The following CHD7 variants were observed in gnomAD, a reference collection of about 807,000 sequenced individuals.
CHD7 encodes chromodomain helicase DNA binding protein 7, also known as ATP-dependent chromatin remodeler CHD7.
A neutral mutation model predicts 307.3 loss-of-function variants in CHD7; 24 were observed. The observed-to-expected ratio is 0.08, with a 90% CI of 0.06 to 0.11. CHD7 has a LOEUF of 0.11. Among genes scored for constraint, CHD7 ranks in the 10% least tolerant of loss-of-function variants. The probability of loss-of-function intolerance (pLI) is 1.00; values close to 1 mark genes in which losing one functional copy is unlikely to be tolerated. For missense variants in CHD7, 3,106 were observed against 3,727.1 expected (o/e 0.83, Z 4.34); for synonymous variants, 1,363 against 1,349.9 (o/e 1.01, Z -0.21).
At chr8:60,851,506 A>G (rs1446874827) in intron 28 of CHD7, among the ~76,000 whole-genome samples, 187 bp downstream of exon 28, 2 of 152,182 alleles carry the variant, frequency 1.3e-5, no homozygotes, top group African/African-American at 4.8e-5. Context: ...AATTTCTTAG[A>G]TAGGATAACT....
At chr8:60,731,528 G>T (rs1808456774) in intron 1 of CHD7, among the ~76,000 whole-genome samples, 1 of 152,162 alleles carries the variant, frequency 6.6e-6, no homozygotes, top group African/African-American at 2.4e-5. Context: ...GTATCCCCAG[G>T]ATGAAGGGGG....
At chr8:60,705,434 G>A (rs952135627) in intron 1 of CHD7, among the ~76,000 whole-genome samples, 10 of 152,176 alleles carry the variant, frequency 6.6e-5, no homozygotes, top group East Asian at 1.9e-4. Flanking sequence ...CACAGTACTC[G>A]TTTGATACTT....
chr8:60,765,204 TACACACACAC>T lies in CHD7; in HGVS notation c.1666-15779_1666-15770del, dbSNP rs71245521. Reference sequence around the variant, plus strand: ...CTGCATTAGATGTTGGGGATATGCATACACACACACACACACACACACACACGCACACGCA... The same window carrying T: ...CTGCATTAGATGTTGGGGATATGCATACACACACACACACACGCACACGCA... On this transcript the variant is annotated intron_variant, in intron 2 of 37. Coordinates refer to ENST00000423902, the MANE Select transcript of CHD7 (RefSeq NM_017780.4). 6.6e-4 allele frequency among the ~76,000 whole-genome samples: 99 copies of T among 149,838 alleles called. No individual in the cohort carries two copies. The South Asian group carries it at 0.015, about 23-fold the overall frequency.
chr8:60,847,602 G>A (rs571728489), intron 23 of CHD7, among the ~76,000 whole-genome samples: 22 of 152,178 alleles, frequency 1.4e-4, no homozygotes, highest in Non-Finnish European at 2.8e-4. Context: ...TGCGATTCAC[G>A]TATCAGTCCT....
At chr8:60,785,727 A>G (rs921028132) in intron 3 of CHD7, among the ~76,000 whole-genome samples, 2 of 152,214 alleles carry the variant, frequency 1.3e-5, no homozygotes, top group African/African-American at 4.8e-5. Context: ...CCATTATGCT[A>G]GTTTTGGTAG....
Position 60,822,090 on chromosome 8 carries a change from C to T in CHD7, c.2902C>T (p.Leu968Phe). The T allele has an allele frequency of 6.2e-7, 1 of 1,613,742 alleles. No homozygotes were observed. The stretch of plus-strand genomic sequence containing the variant: ...CAGGGAGTATAAAAACAATAACAAA[C>T]TCAGGGAATACCAGTTGGAGGGAGT... ...SSREYKNNNK[L>F]REYQLEGVNW... is the part of the protein sequence containing the mutation. The change falls in exon 11 of 38, where the codon CTC becomes TTC. Residue 968 changes from leucine to phenylalanine, a missense_variant. Coordinates refer to ENST00000423902, the MANE Select transcript of CHD7 (RefSeq NM_017780.4).
At chr8:60,854,216 C>T (rs544979593) in intron 31 of CHD7, 147 bp from the exon 32 acceptor site, 21 of 622,356 alleles carry the variant, frequency 3.4e-5, no homozygotes, top group Admixed American at 2.4e-4. Flanking sequence ...AAGCTTTAGA[C>T]AACAGTGCCC....
chr8:60,829,850 A>G (rs540023959), intron 14 of CHD7, among the ~76,000 whole-genome samples: 2 of 152,316 alleles, frequency 1.3e-5, no homozygotes, highest in South Asian at 4.1e-4. Context: ...TTGCCAATCA[A>G]TAGAAAAGAG....
At position 60,861,114 on chromosome 8, in the gene CHD7, A is replaced by G. The variant is rs1424434796; in HGVS notation, c.7819A>G (p.Ser2607Gly). The change falls in exon 35 of 38, where the codon AGT becomes GGT. Residue 2607 changes from serine to glycine, a missense_variant. By Grantham distance (56) the Ser-to-Gly change is moderately conservative. Coordinates refer to ENST00000423902, the MANE Select transcript of CHD7 (RefSeq NM_017780.4). ...LHPTYTVDMP[S>G]YVPKNADVLF... ...CCCTACTTACACTGTTGATATGCCA[A>G]GTTATGTACCAGTGAGTATTGCAGA... 1.3e-6 allele frequency: 2 copies of G among 1,587,070 alleles called. No homozygotes were observed. Among genetic ancestry groups the G allele is most frequent in the Non-Finnish European group, 1.7e-6 (2 of 1,166,478 alleles).
At chr8:60,781,572 C>G (rs1229657737) in intron 3 of CHD7, 142 bp downstream of exon 3, 1 of 1,230,678 alleles carries the variant, frequency 8.1e-7, no homozygotes, top group Admixed American at 3.4e-5. Context: ...AATATCCAAA[C>G]TAAAAAGCTA....
intron 37 of CHD7, chr8:60,864,745 T>G: frequency 9.1e-6 from 4 of 440,802 alleles, no homozygotes; most frequent in East Asian, 4.3e-5. Context: ...TACTTTCTGA[T>G]GTATGATTTC....
chr8:60,741,778 G>A lies in CHD7; in HGVS notation c.346G>A (p.Gly116Ser). ...CCCTCCCGTTCCTCAGGTGCCCCATGGTGGCAGTGGTGGCGGTCAGATGGG... is the reference window on the plus strand; with the variant it reads ...CCCTCCCGTTCCTCAGGTGCCCCATAGTGGCAGTGGTGGCGGTCAGATGGG... Reference protein sequence around the residue: ...HTPPVPQVPHGGSGGGQMGVY... With the variant: ...HTPPVPQVPHSGSGGGQMGVY... Residue 116 changes from glycine to serine, a missense_variant, in exon 2 of 38, where the codon GGT becomes AGT. Gly to Ser is a moderately conservative substitution (Grantham distance 56, BLOSUM62 0). This residue lies in a region of CHD7 where 998 missense variants were observed against 1,004.5 expected (regional missense o/e 0.99). Transcript: ENST00000423902. The A allele has an allele frequency of 1.2e-6, 2 of 1,613,898 alleles. No individual in the cohort carries two copies. Among genetic ancestry groups the A allele is most frequent in the Non-Finnish European group, 1.7e-6 (2 of 1,179,862 alleles).
Position 60,741,532 on chromosome 8 carries a change from G to A in CHD7, c.100G>A (p.Val34Ile), listed in dbSNP as rs1023797858. ...LGECGYPENP[V>I]NPMGQQMPID... Reference sequence around the variant, plus strand: ...AGAATGTGGTTACCCGGAAAATCCAGTAAATCCTATGGGTCAGCAAATGCC... The same window carrying A: ...AGAATGTGGTTACCCGGAAAATCCAATAAATCCTATGGGTCAGCAAATGCC... The change falls in exon 2 of 38, where the codon GTA (valine) becomes ATA (isoleucine). Residue 34 changes from valine (V) to isoleucine (I), a missense_variant. Physicochemically the swap from Val to Ile is conservative, Grantham distance 29. Coordinates refer to ENST00000423902, the MANE Select transcript of CHD7 (RefSeq NM_017780.4). 1 of 1,613,420 alleles carries A rather than the reference G, an allele frequency of 6.2e-7. No homozygotes were observed.
At chr8:60,778,658 C>A (rs751364650) in intron 2 of CHD7, among the ~76,000 whole-genome samples, 2 of 152,170 alleles carry the variant, frequency 1.3e-5, no homozygotes, top group Non-Finnish European at 2.9e-5. Flanking sequence ...TTAGACTTTC[C>A]TCTTTTCCTC....
At chr8:60,765,639 G>A (rs1417421410) in intron 2 of CHD7, among the ~76,000 whole-genome samples, 2 of 152,204 alleles carry the variant, frequency 1.3e-5, no homozygotes, top group Middle Eastern at 3.2e-3. Context: ...GCCTTTGTGC[G>A]GCTGCTGCTG....
In CHD7 at chr8:60,742,065, C is replaced by A; in HGVS notation, c.633C>A (p.Ser211Arg). 10 of 1,613,880 alleles carry A rather than the reference C, an allele frequency of 6.2e-6. No homozygotes were observed. The highest frequency in any genetic ancestry group is 8.5e-6 in the Non-Finnish European group (10 of 1,179,880). Residue 211 changes from serine to arginine, a missense_variant, in exon 2 of 38, where the codon AGC becomes AGA. Ser to Arg is a moderately radical substitution (Grantham distance 110, BLOSUM62 -1). This residue lies in a region of CHD7 where 998 missense variants were observed against 1,004.5 expected (regional missense o/e 0.99). Transcript: ENST00000423902. The part of the protein sequence containing the change: ...QQHGQPQQRM[S>R]QFSQGQEGLN... ...ATGGTCAGCCACAGCAGAGGATGAG[C>A]CAGTTTTCCCAAGGCCAAGAGGGCC...
intron 7 of CHD7, among the ~76,000 whole-genome samples, chr8:60,810,411 A>G (rs1189910983): frequency 1.5e-5 from 2 of 130,248 alleles, no homozygotes; most frequent in Non-Finnish European, 3.5e-5. Context: ...GTGTGTGTGT[A>G]TCGAGTTACA....
In CHD7 at chr8:60,856,194, T is replaced by A; in HGVS notation, c.7156T>A (p.Leu2386Met). The change falls in exon 33 of 38, where the codon TTG becomes ATG. Residue 2386 changes from leucine to methionine, a missense_variant. Around this residue, in one of 10 missense-constraint regions of CHD7, gnomAD observed 1,030 missense variants for 1,165.4 expected, o/e 0.88. Transcript: ENST00000423902. Reference protein sequence around the residue: ...GSEDITTSPQLSKEDALNLSV... With the variant: ...GSEDITTSPQMSKEDALNLSV... ...TGAGGACATCACTACGTCTCCTCAGTTGTCAAAGGTGAATTAGAATGGCTT... is the reference window on the plus strand; with the variant it reads ...TGAGGACATCACTACGTCTCCTCAGATGTCAAAGGTGAATTAGAATGGCTT... The A allele has an allele frequency of 6.3e-7, 1 of 1,582,558 alleles. No individual in the cohort carries two copies. The highest frequency in any genetic ancestry group is 8.6e-7 in the Non-Finnish European group (1 of 1,162,834).
rs370371010 is a variant in CHD7, at chr8:60,772,939, G to A, written c.1666-8061G>A. On this transcript the variant is annotated intron_variant, in intron 2 of 37. Transcript: ENST00000423902. ...CTCTAATGGGCTCATATTTTGGTTT[G>A]CTTATGGTTAGTCAGAGGCACCATG... Among the ~76,000 whole-genome samples the A allele has an allele frequency of 4.6e-5, 7 of 152,318 alleles. No homozygotes were observed. The East Asian group carries it at 1.3e-3, about 29-fold the overall frequency.
Sources: gnomAD v4.1 joint callset for allele counts (sites outside exome capture counted in the v4.1 genomes callset) on GRCh38, gnomAD v4.1.1 for gene constraint, gnomAD v4.1.1 regional missense constraint, MANE v1.5 for transcripts, NCBI Gene and HGNC (gene_info 2026-07-23, HGNC 2026-07-21) for gene names.